The following AMOTL1 variants were observed in gnomAD, a reference collection of about 807,000 sequenced individuals.
The protein encoded by AMOTL1 is angiomotin like 1.
Under a neutral mutation model 102.9 loss-of-function variants are expected in AMOTL1, and 45 were observed. The observed-to-expected ratio is 0.44, with a 90% confidence interval of 0.34 to 0.56. The LOEUF is 0.56. Ranked by LOEUF, AMOTL1 falls within the 20% of genes least tolerant of loss-of-function variation. The pLI is 0.01. For synonymous variants in AMOTL1, 481 were observed against 484.7 expected (o/e 0.99, Z 0.10); for missense variants, 1,114 against 1,225.6 (o/e 0.91, Z 1.36).
At chr11:94,717,244 G>A (rs1950111647) in intron 1 of AMOTL1, among the ~76,000 whole-genome samples, 1 of 150,900 alleles carries the variant, frequency 6.6e-6, no homozygotes, top group African/African-American at 2.4e-5. Context: ...AGGAGAGGGA[G>A]AGGTAAAAGT....
chr11:94,770,433 A>G (rs779690592), intron 1 of AMOTL1, among the ~76,000 whole-genome samples: 39 of 151,402 alleles, frequency 2.6e-4, no homozygotes, highest in Non-Finnish European at 5.6e-4. Context: ...TACAGGCTCT[A>G]CTTTTCCTTA....
chr11:94,793,030 A>G (rs1374966951), intron 1 of AMOTL1, among the ~76,000 whole-genome samples: 1 of 152,014 alleles, frequency 6.6e-6, no homozygotes, highest in African/African-American at 2.4e-5. Flanking sequence ...AAGCACACAC[A>G]CACACAGCCC....
At chr11:94,851,058 C>T (rs1030895689) in intron 7 of AMOTL1, among the ~76,000 whole-genome samples, 3 of 152,160 alleles carry the variant, frequency 2.0e-5, no homozygotes, top group African/African-American at 7.2e-5. Context: ...GGGTCTTGCC[C>T]ATTGGAAGCC....
In AMOTL1 at chr11:94,869,411, C is replaced by T. The variant is rs751898110; in HGVS notation, c.2702C>T (p.Thr901Met). 5.0e-6 allele frequency: 8 copies of T among 1,605,084 alleles called. No individual in the cohort carries two copies. Among genetic ancestry groups the T allele is most frequent in the East Asian group, 2.3e-5 (1 of 44,356 alleles). ...CTTCCCAGCCGCGGCCGGCTGAGCACGACCCCTGCTCACAGCCCCGTCCTG... is the reference window on the plus strand; with the variant it reads ...CTTCCCAGCCGCGGCCGGCTGAGCATGACCCCTGCTCACAGCCCCGTCCTG... ...ASLPSRGRLS[T>M]TPAHSPVLKH... The change falls in exon 12 of 13, where the codon ACG becomes ATG. Residue 901 changes from threonine (T) to methionine (M), a missense_variant. Physicochemically the swap from Thr to Met is moderately conservative, Grantham distance 81. Transcript: ENST00000433060.
chr11:94,823,195 C>T (rs1399149707), intron 4 of AMOTL1, among the ~76,000 whole-genome samples: 1 of 152,116 alleles, frequency 6.6e-6, no homozygotes. Context: ...TTTGATGGTG[C>T]ATGTGTTTAC....
intron 1 of AMOTL1, among the ~76,000 whole-genome samples, chr11:94,726,375 C>T (rs776728309): frequency 1.3e-5 from 2 of 152,154 alleles, no homozygotes; most frequent in Non-Finnish European, 2.9e-5. Context: ...ATTCAATCAA[C>T]CAATATTTAT....
chr11:94,743,690 G>T lies in AMOTL1; in HGVS notation c.136+2702G>T, dbSNP rs549896967. Reference sequence around the variant, plus strand: ...TTTTTTTTTTTTGTGACGGTGTCTCGCTCTGTCGCCCAGATGGGAGTGCAA... The same window carrying T: ...TTTTTTTTTTTTGTGACGGTGTCTCTCTCTGTCGCCCAGATGGGAGTGCAA... On this transcript the variant is annotated intron_variant, in intron 3 of 4. Transcript: ENST00000299004. Among the ~76,000 whole-genome samples, 6 of 114,756 alleles carry T rather than the reference G, an allele frequency of 5.2e-5. No homozygotes were observed. The East Asian group carries it at 1.0e-3, about 20-fold the overall frequency. 75.3% of individuals were successfully genotyped at this position (114,756 alleles called of 152,430 possible).
chr11:94,831,508 G>A lies in AMOTL1; in HGVS notation c.1615G>A (p.Asp539Asn), dbSNP rs1408634020. The change falls in exon 6 of 13, where the codon GAC (aspartate) becomes AAC (asparagine). Residue 539 changes from aspartate (D) to asparagine (N), a missense_variant. By Grantham distance (23) the Asp-to-Asn change is conservative. Transcript: ENST00000433060. ...CAGCAGGGAATACGAAGGGCATGAAGACAAAGCTGCAGAGGGGCATTATGC... is the reference window on the plus strand; with the variant it reads ...CAGCAGGGAATACGAAGGGCATGAAAACAAAGCTGCAGAGGGGCATTATGC... ...LSSREYEGHE[D>N]KAAEGHYASQ... 4.3e-6 allele frequency: 7 copies of A among 1,613,846 alleles called. No homozygotes were observed. In the African/African-American group the frequency reaches 8.0e-5, roughly 18 times the overall value.
At chr11:94,728,716 G>A (rs1347099456) in intron 1 of AMOTL1, among the ~76,000 whole-genome samples, 1 of 152,080 alleles carries the variant, frequency 6.6e-6, no homozygotes, top group Non-Finnish European at 1.5e-5. Flanking sequence ...ACAAATATTT[G>A]TTAACTGAAT....
intron 3 of AMOTL1, among the ~76,000 whole-genome samples, chr11:94,759,249 G>C (rs947731496): frequency 2.6e-5 from 4 of 151,960 alleles, no homozygotes; most frequent in African/African-American, 9.7e-5. Context: ...GGTGAGATGT[G>C]TTTAAGGCCA....
Position 94,760,929 on chromosome 11 carries a change from A to G in AMOTL1, c.136+19941A>G, listed in dbSNP as rs557156205. Among the ~76,000 whole-genome samples, 7 of 151,710 alleles carry G rather than the reference A, an allele frequency of 4.6e-5. No homozygotes were observed. In the East Asian group the frequency reaches 1.4e-3, roughly 30 times the overall value. On this transcript the variant is annotated intron_variant, in intron 3 of 4. Coordinates refer to the AMOTL1 transcript ENST00000299004. ...CCTCAAACTCCACCACACCTGGTCA[A>G]TTTTTTATTTTTATTTTTATTTTTT...
intron 1 of AMOTL1, among the ~76,000 whole-genome samples, chr11:94,793,356 C>T (rs1287518121): frequency 6.6e-6 from 1 of 152,112 alleles, no homozygotes; most frequent in Non-Finnish European, 1.5e-5. Flanking sequence ...TGCTCTTCTC[C>T]CTCTTGCTTA....
intron 3 of AMOTL1, among the ~76,000 whole-genome samples, chr11:94,751,130 A>AT (rs1950648714): frequency 6.6e-6 from 1 of 152,140 alleles, no homozygotes; most frequent in South Asian, 2.1e-4. Flanking sequence ...AAATATGTTA[A>AT]AGTATCCAGC....
intron 1 of AMOTL1, among the ~76,000 whole-genome samples, chr11:94,771,262 G>C (rs1019781191): frequency 1.4e-5 from 2 of 146,654 alleles, no homozygotes; most frequent in Admixed American, 6.7e-5. Flanking sequence ...GCGGGGTTGG[G>C]GGGGGGGTGC....
intron 1 of AMOTL1, among the ~76,000 whole-genome samples, chr11:94,774,889 T>C (rs1228042658): frequency 2.0e-5 from 3 of 152,234 alleles, no homozygotes; most frequent in East Asian, 3.9e-4. Flanking sequence ...TTAGTTGATA[T>C]AGCTATATTT....
chr11:94,866,233 C>A, intron 11 of AMOTL1, 65 bp downstream of exon 11: 3 of 1,492,262 alleles, frequency 2.0e-6, no homozygotes, highest in Non-Finnish European at 2.8e-6. Flanking sequence ...CTCTGCCACT[C>A]ATGGGACACG....
Position 94,876,354 on chromosome 11 carries a change from C to T in AMOTL1, c.*5559C>T, listed in dbSNP as rs187051663. On this transcript the variant is annotated 3_prime_UTR_variant, in exon 13 of 13. Transcript: ENST00000433060. ...CACCCGATTTCAGCTGTCCTGCTGC[C>T]GCTGCCCTCCAACCTGCTCTGTGTG... 4 of 152,722 alleles carry T rather than the reference C, an allele frequency of 2.6e-5. No individual in the cohort carries two copies. Among genetic ancestry groups the T allele is most frequent in the East Asian group, 3.9e-4 (2 of 5,180 alleles). 9.5% of individuals were successfully genotyped at this position (152,722 alleles called of 1,614,324 possible).
intron 1 of AMOTL1, among the ~76,000 whole-genome samples, chr11:94,726,892 A>C (rs1051006424): frequency 4.6e-5 from 7 of 152,184 alleles, no homozygotes; most frequent in Non-Finnish European, 7.3e-5. Context: ...TTCATTTTAC[A>C]TTTAGTGCTT....
At position 94,874,129 on chromosome 11, in the gene AMOTL1, A is replaced by C. The variant is rs529989564; in HGVS notation, c.*3334A>C. Reference sequence around the variant, plus strand: ...TTTCTGTGTGCTGCCAGGATATTATATGGAACTGGAGAAGTTGGAGTCAGG... The same window carrying C: ...TTTCTGTGTGCTGCCAGGATATTATCTGGAACTGGAGAAGTTGGAGTCAGG... On this transcript the variant is annotated 3_prime_UTR_variant, in exon 13 of 13. Coordinates refer to ENST00000433060, the MANE Select transcript of AMOTL1 (RefSeq NM_130847.3). The C allele has an allele frequency of 1.3e-5, 2 of 152,234 alleles. No individual in the cohort carries two copies. Among genetic ancestry groups the C allele is most frequent in the African/African-American group, 4.8e-5 (2 of 41,452 alleles). 9.4% of individuals were successfully genotyped at this position (152,234 alleles called of 1,614,324 possible).
Sources: gnomAD v4.1 joint callset for allele counts (sites outside exome capture counted in the v4.1 genomes callset) on GRCh38, gnomAD v4.1.1 for gene constraint, MANE v1.5 for transcripts, NCBI Gene and HGNC (gene_info 2026-07-23, HGNC 2026-07-21) for gene names.